PIK3C2G: variants seen among roughly 807,000 people sequenced by gnomAD.
PIK3C2G encodes the protein phosphatidylinositol-4-phosphate 3-kinase catalytic subunit type 2 gamma.
Under a neutral mutation model 181.1 loss-of-function variants are expected in PIK3C2G, and 168 were observed. The ratio of observed to expected loss-of-function variants is 0.93; its 90% CI spans 0.82 to 1.05. PIK3C2G has a LOEUF of 1.05. PIK3C2G is among the 50% of genes least tolerant of loss of function. PIK3C2G has a pLI of 0.00. For missense variants in PIK3C2G, 1,869 were observed against 1,732.8 expected, an observed-to-expected ratio of 1.08 and a Z score of -1.40; for synonymous variants, 573 against 592.2, an observed-to-expected ratio of 0.97 and a Z score of 0.47.
the PIK3C2G span, among the ~76,000 whole-genome samples, chr12:18,668,125 A>G: frequency 1.3e-5 from 2 of 152,184 alleles, no homozygotes; most frequent in African/African-American, 4.8e-5. Flanking sequence ...AACTTGTATT[A>G]TCTTAATCTC....
intron 13 of PIK3C2G, among the ~76,000 whole-genome samples, chr12:18,376,345 T>A (rs1031725986): frequency 2.0e-5 from 3 of 152,212 alleles, no homozygotes; most frequent in African/African-American, 7.2e-5. Flanking sequence ...CAGACTTCCA[T>A]GGGACCTGTA....
At chr12:18,663,227 C>G in the PIK3C2G span, among the ~76,000 whole-genome samples, 1 of 151,918 alleles carries the variant, frequency 6.6e-6, no homozygotes, top group East Asian at 1.9e-4. Context: ...CTATCCAGAG[C>G]AGTTAGGCAA....
chr12:18,592,399 A>G (rs1278661277), intron 29 of PIK3C2G, among the ~76,000 whole-genome samples: 1 of 151,910 alleles, frequency 6.6e-6, no homozygotes, highest in Non-Finnish European at 1.5e-5. Context: ...ACAAGACAGA[A>G]TTCACTAAAA....
chr12:18,492,755 G>T (rs1262395558), intron 20 of PIK3C2G, among the ~76,000 whole-genome samples: 1 of 151,668 alleles, frequency 6.6e-6, no homozygotes, highest in African/African-American at 2.4e-5. Context: ...TTTTGTTTTT[G>T]TTTTTTTTCA....
At chr12:18,466,090 T>C (rs1411629929) in intron 18 of PIK3C2G, among the ~76,000 whole-genome samples, 1 of 151,816 alleles carries the variant, frequency 6.6e-6, no homozygotes, top group African/African-American at 2.4e-5. Flanking sequence ...TTTGCATGTG[T>C]GTATATATTA....
At chr12:18,293,247 T>G (rs1414274586) in intron 4 of PIK3C2G, among the ~76,000 whole-genome samples, 4 of 152,094 alleles carry the variant, frequency 2.6e-5, no homozygotes, top group Non-Finnish European at 4.4e-5. Context: ...AAATCCTATT[T>G]AACAGATGAA....
intron 8 of PIK3C2G, among the ~76,000 whole-genome samples, chr12:18,334,429 T>C (rs73064542): frequency 0.039 from 5,975 of 152,252 alleles, 174 homozygotes; most frequent in Non-Finnish European, 0.061. Context: ...GAAATGGTTA[T>C]AATGTTTTAT....
chr12:18,261,772 A>C (rs975662954), intron 1 of PIK3C2G, among the ~76,000 whole-genome samples, 195 bp downstream of exon 1: 1 of 152,016 alleles, frequency 6.6e-6, no homozygotes, highest in Non-Finnish European at 1.5e-5. Flanking sequence ...CCCAAAATCT[A>C]CAACCAGAAG....
chr12:18,719,729 C>T, the PIK3C2G span: 2 of 767,314 alleles, frequency 2.6e-6, no homozygotes, highest in Non-Finnish European at 2.0e-6. Context: ...AGTAGTAGAG[C>T]ATATTTCTAA....
At chr12:18,711,964 A>G in the PIK3C2G span, among the ~76,000 whole-genome samples, 1 of 152,154 alleles carries the variant, frequency 6.6e-6, no homozygotes, top group East Asian at 1.9e-4. Context: ...TTTGTACTCC[A>G]TTTTAATATA....
chr12:18,723,287 TA>T, the PIK3C2G span: 8 of 1,576,648 alleles, frequency 5.1e-6, no homozygotes, highest in Non-Finnish European at 7.0e-6. Flanking sequence ...AATATTCCGA[TA>T]AAAGTTTGAA....
At chr12:18,254,246 GT>G in intron 1 of PIK3C2G, among the ~76,000 whole-genome samples, 2 of 152,050 alleles carry the variant, frequency 1.3e-5, no homozygotes, top group South Asian at 4.2e-4. Flanking sequence ...CATTCTTACT[GT>G]TTTGTTTTTC....
chr12:18,617,936 A>G (rs906808241), intron 31 of PIK3C2G, among the ~76,000 whole-genome samples: 9 of 152,196 alleles, frequency 5.9e-5, no homozygotes, highest in African/African-American at 1.7e-4. Context: ...CAGTTGTGGC[A>G]TGTGGCATAA....
chr12:18,265,463 G>A (rs1948443997), intron 1 of PIK3C2G, among the ~76,000 whole-genome samples: 2 of 152,094 alleles, frequency 1.3e-5, no homozygotes, highest in Non-Finnish European at 2.9e-5. Context: ...TAAAATTCCA[G>A]AAGCCTCCAT....
intron 14 of PIK3C2G, among the ~76,000 whole-genome samples, chr12:18,390,105 G>T (rs1318899811): frequency 2.0e-5 from 3 of 152,048 alleles, no homozygotes; most frequent in Non-Finnish European, 4.4e-5. Flanking sequence ...TATCATGTTG[G>T]AGTAGTAATT....
chr12:18,486,452 A>G (rs1940042582), intron 18 of PIK3C2G, among the ~76,000 whole-genome samples: 1 of 152,096 alleles, frequency 6.6e-6, no homozygotes, highest in African/African-American at 2.4e-5. Flanking sequence ...ATTTCAATAG[A>G]ATAAGGAATA....
intron 5 of PIK3C2G, among the ~76,000 whole-genome samples, chr12:18,299,062 A>T (rs1950067503): frequency 6.6e-6 from 1 of 151,780 alleles, no homozygotes; most frequent in Non-Finnish European, 1.5e-5. Context: ...AAATTTTTGG[A>T]TTCTTTTTCT....
At chr12:18,337,819 C>T (rs1219566043) in intron 8 of PIK3C2G, among the ~76,000 whole-genome samples, 1 of 152,134 alleles carries the variant, frequency 6.6e-6, no homozygotes, top group African/African-American at 2.4e-5. Context: ...CAAACTATAT[C>T]AGTAGATTAT....
intron 29 of PIK3C2G, among the ~76,000 whole-genome samples, chr12:18,571,611 T>G (rs1435871929): frequency 6.6e-6 from 1 of 150,730 alleles, no homozygotes; most frequent in Non-Finnish European, 1.5e-5. Context: ...CTCTCCTATC[T>G]CTAACGATGC....
Sources: allele counts gnomAD v4.1 joint callset (sites outside exome capture counted in the v4.1 genomes callset), GRCh38; gene constraint gnomAD v4.1.1; transcripts MANE v1.5; gene names NCBI Gene and HGNC (gene_info 2026-07-23, HGNC 2026-07-21).